Variants in PLCB1 observed in about 807,000 individuals in gnomAD.
The protein encoded by PLCB1 is 1-phosphatidylinositol 4,5-bisphosphate phosphodiesterase beta-1.
PLCB1 carries 46 observed loss-of-function variants against 161.8 expected under a neutral mutation model. The ratio of observed to expected loss-of-function variants is 0.28; its 90% CI spans 0.22 to 0.36. PLCB1 has a LOEUF of 0.36. Ranked by LOEUF, PLCB1 falls within the 10% of genes least tolerant of loss-of-function variation. The probability of loss-of-function intolerance (pLI) is 1.00; values close to 1 mark genes in which losing one functional copy is unlikely to be tolerated. For synonymous variants in PLCB1, 517 were observed against 503.7 expected (o/e 1.03, Z -0.35); for missense variants, 1,016 against 1,472.5 (o/e 0.69, Z 5.07).
intron 2 of PLCB1, among the ~76,000 whole-genome samples, chr20:8,312,362 G>A (rs1340019995): frequency 6.6e-6 from 1 of 152,098 alleles, no homozygotes; most frequent in Non-Finnish European, 1.5e-5. Context: ...AGCTCTCTGT[G>A]GGATCAGGCC....
At chr20:8,586,796 C>T (rs536076996) in intron 3 of PLCB1, among the ~76,000 whole-genome samples, 19 of 152,122 alleles carry the variant, frequency 1.2e-4, no homozygotes, top group Non-Finnish European at 1.8e-4. Context: ...ACGTTTTACC[C>T]TTGCCCCTCC....
chr20:8,380,556 A>T (rs1361852434), intron 3 of PLCB1, among the ~76,000 whole-genome samples: 5 of 152,106 alleles, frequency 3.3e-5, no homozygotes, highest in African/African-American at 1.2e-4. Context: ...CATTTTCATG[A>T]TATTGATTCT....
At chr20:8,406,414 C>T (rs1345669092) in intron 3 of PLCB1, among the ~76,000 whole-genome samples, 3 of 152,164 alleles carry the variant, frequency 2.0e-5, no homozygotes, top group Admixed American at 2.0e-4. Context: ...TAAAATATGG[C>T]ATATGCATTC....
rs570669701 is a variant in PLCB1, at chr20:8,637,827, TCAATTTATATG to T, written c.385-8271_385-8261del. Among the ~76,000 whole-genome samples, 147 of 152,370 alleles carry T rather than the reference TCAATTTATATG, an allele frequency of 9.6e-4. 2 individuals are homozygous for T. Among genetic ancestry groups the T allele is most frequent in the African/African-American group, 3.1e-3 (131 of 41,598 alleles). ...TTATATTTGTTTTAAACTTTCAGAA[TCAATTTATATG>T]CAAATAAAGTCATAATTATGAATGC... On this transcript the variant is annotated intron_variant, in intron 4 of 31. Transcript: ENST00000338037.
At chr20:8,293,133 C>T (rs897549737) in intron 2 of PLCB1, among the ~76,000 whole-genome samples, 1 of 152,040 alleles carries the variant, frequency 6.6e-6, no homozygotes, top group South Asian at 2.1e-4. Context: ...ATTGAGAAGC[C>T]CATCAAGCTC....
intron 2 of PLCB1, among the ~76,000 whole-genome samples, chr20:8,215,323 AG>A (rs2123152191): frequency 6.6e-6 from 1 of 152,176 alleles, no homozygotes; most frequent in African/African-American, 2.4e-5. Flanking sequence ...TAGCTAACAG[AG>A]AAAAAAAAAA....
intron 11 of PLCB1, among the ~76,000 whole-genome samples, chr20:8,698,871 A>G (rs1990638718): frequency 6.6e-6 from 1 of 152,114 alleles, no homozygotes. Context: ...AATGAGGTGC[A>G]TTTGGTCTCT....
At chr20:8,255,378 C>T (rs1981359929) in intron 2 of PLCB1, among the ~76,000 whole-genome samples, 1 of 152,032 alleles carries the variant, frequency 6.6e-6, no homozygotes, top group South Asian at 2.1e-4. Flanking sequence ...AATTGTGACT[C>T]ATTGCTCAGA....
intron 3 of PLCB1, among the ~76,000 whole-genome samples, chr20:8,576,653 C>G (rs900875778): frequency 1.3e-5 from 2 of 152,106 alleles, no homozygotes; most frequent in African/African-American, 4.8e-5. Flanking sequence ...TAATTTGTTA[C>G]TCATCTCTCT....
At chr20:8,263,344 T>C (rs2719784) in intron 2 of PLCB1, among the ~76,000 whole-genome samples, 7,520 of 152,214 alleles carry the variant, frequency 0.049, 618 homozygotes, top group African/African-American at 0.17. Context: ...ATATCATCAA[T>C]AAAAGTTTTA....
At chr20:8,824,877 G>A (rs1372017157) in intron 31 of PLCB1, among the ~76,000 whole-genome samples, 2 of 152,144 alleles carry the variant, frequency 1.3e-5, no homozygotes, top group Non-Finnish European at 2.9e-5. Context: ...AAATTAGTAA[G>A]CCAATCATAA....
intron 31 of PLCB1, among the ~76,000 whole-genome samples, chr20:8,838,413 A>G (rs778384433): frequency 6.6e-6 from 1 of 152,220 alleles, no homozygotes; most frequent in Non-Finnish European, 1.5e-5. Flanking sequence ...AGTAGGGCTA[A>G]TGGAGGTCAG....
intron 11 of PLCB1, 100 bp downstream of exon 11, chr20:8,697,883 T>G: frequency 9.5e-7 from 1 of 1,049,652 alleles, no homozygotes; most frequent in East Asian, 2.5e-5. Flanking sequence ...CACAATTAAG[T>G]CCAAAGGCTG....
intron 2 of PLCB1, among the ~76,000 whole-genome samples, chr20:8,365,345 G>A (rs1401611082): frequency 1.3e-5 from 2 of 152,170 alleles, no homozygotes; most frequent in Non-Finnish European, 2.9e-5. Flanking sequence ...AGCCAGATGT[G>A]TCATCTTTCT....
intron 9 of PLCB1, among the ~76,000 whole-genome samples, chr20:8,678,692 C>A (rs930619394): frequency 6.6e-5 from 10 of 152,200 alleles, no homozygotes; most frequent in Non-Finnish European, 1.3e-4. Context: ...AGACATTCAG[C>A]CCCTCCCTAC....
rs560608058 is a variant in PLCB1, at chr20:8,769,536, C to T, written c.2930+4178C>T. On this transcript the variant is annotated intron_variant, in intron 26 of 31. Coordinates refer to ENST00000338037, the MANE Select transcript of PLCB1 (RefSeq NM_015192.4). The stretch of plus-strand genomic sequence containing the variant: ...CATATGTTGGCTAACCAATGGACAA[C>T]GTATTGCCAAAGATAATCCAACGAC... Among the ~76,000 whole-genome samples the T allele has an allele frequency of 4.6e-5, 7 of 152,224 alleles. No individual in the cohort carries two copies. The East Asian group carries it at 7.7e-4, about 17-fold the overall frequency.
At chr20:8,839,978 C>G (rs1986435799) in intron 31 of PLCB1, among the ~76,000 whole-genome samples, 1 of 151,464 alleles carries the variant, frequency 6.6e-6, no homozygotes, top group South Asian at 2.1e-4. Context: ...TTGCAGTGAG[C>G]CAAGATCGCG....
chr20:8,808,211 G>A (rs763328949), intron 31 of PLCB1, among the ~76,000 whole-genome samples: 1 of 152,230 alleles, frequency 6.6e-6, no homozygotes, highest in Non-Finnish European at 1.5e-5. Flanking sequence ...TTCAGCAACA[G>A]AAATTTATTT....
chr20:8,228,004 T>C (rs1364183634), intron 2 of PLCB1, among the ~76,000 whole-genome samples: 2 of 152,154 alleles, frequency 1.3e-5, no homozygotes. Flanking sequence ...TAAAATCTAA[T>C]GACAAACTTC....
Sources: gnomAD v4.1 joint callset for allele counts (sites outside exome capture counted in the v4.1 genomes callset) on GRCh38, gnomAD v4.1.1 for gene constraint, MANE v1.5 for transcripts, NCBI Gene and HGNC (gene_info 2026-07-23, HGNC 2026-07-21) for gene names.